ULK4: variants seen among roughly 807,000 people sequenced by gnomAD.
ULK4 encodes the protein inactive serine/threonine-protein kinase ULK4.
In ULK4, 133 loss-of-function variants were observed where a neutral mutation model predicts 160.6. The observed-to-expected ratio is 0.83, with a 90% CI of 0.72 to 0.96. The LOEUF (loss-of-function observed/expected upper bound fraction) is 0.96. Ranked by LOEUF, ULK4 falls within the 40% of genes least tolerant of loss-of-function variation. The pLI is 0.00. For missense variants in ULK4, 1,580 were observed against 1,499.5 expected (o/e 1.05, Z -0.89); for synonymous variants, 534 against 539.8 (o/e 0.99, Z 0.15).
chr3:41,271,442 A>G, intron 35 of ULK4, among the ~76,000 whole-genome samples: 1 of 145,168 alleles, frequency 6.9e-6, no homozygotes, highest in Non-Finnish European at 1.5e-5. Context: ...CCCAGGCTGG[A>G]GTACAGTGGT....
chr3:41,454,443 G>C (rs1219473943), intron 34 of ULK4, among the ~76,000 whole-genome samples: 2 of 150,336 alleles, frequency 1.3e-5, no homozygotes, highest in Non-Finnish European at 3.0e-5. Flanking sequence ...GGGAGGCTGA[G>C]GCAGGAGAAT....
intron 31 of ULK4, among the ~76,000 whole-genome samples, chr3:41,587,012 C>T (rs553081286): frequency 3.9e-5 from 6 of 152,240 alleles, no homozygotes; most frequent in Admixed American, 2.6e-4. Flanking sequence ...GGGTTCTCTA[C>T]GTAGGGTCTC....
intron 35 of ULK4, among the ~76,000 whole-genome samples, chr3:41,334,382 A>T (rs1397253684): frequency 6.6e-6 from 1 of 152,164 alleles, no homozygotes; most frequent in African/African-American, 2.4e-5. Flanking sequence ...CCTCTGCTAC[A>T]AAGAGAGAAT....
intron 17 of ULK4, among the ~76,000 whole-genome samples, chr3:41,883,459 G>A (rs540977671): frequency 3.9e-5 from 6 of 152,124 alleles, no homozygotes; most frequent in South Asian, 2.1e-4. Context: ...ATACGTTAAC[G>A]GAATAGGTAG....
intron 12 of ULK4, 107 bp downstream of exon 12, chr3:41,907,738 C>CT: frequency 1.6e-6 from 1 of 635,902 alleles, no homozygotes; most frequent in Non-Finnish European, 2.4e-6. Flanking sequence ...CAAAGATGAC[C>CT]TTATTGTAAA....
At chr3:41,636,165 G>A (rs1416654285) in intron 30 of ULK4, among the ~76,000 whole-genome samples, 1 of 152,110 alleles carries the variant, frequency 6.6e-6, no homozygotes, top group African/African-American at 2.4e-5. Flanking sequence ...TACTTCACTT[G>A]GTGACAGTGA....
chr3:41,773,762 A>G (rs1180998328), intron 21 of ULK4, among the ~76,000 whole-genome samples: 11 of 152,208 alleles, frequency 7.2e-5, no homozygotes, highest in Non-Finnish European at 1.3e-4. Flanking sequence ...CGGCATTGCC[A>G]AGTCAATCCT....
intron 17 of ULK4, among the ~76,000 whole-genome samples, chr3:41,838,263 TC>T (rs1226332150): frequency 1.3e-5 from 2 of 152,234 alleles, no homozygotes; most frequent in Non-Finnish European, 2.9e-5. Flanking sequence ...TATTAAGTTT[TC>T]TAAATTATCT....
rs529251093 is a variant in ULK4, at chr3:41,394,571, A to T, written c.3678+3508T>A. Among the ~76,000 whole-genome samples the T allele has an allele frequency of 3.9e-5, 6 of 152,256 alleles. No homozygotes were observed. In the South Asian group the frequency reaches 1.2e-3, roughly 32 times the overall value. ...TAATATCTCACGTAATTTATTGAAG[A>T]TCATATTGGAAGTGAAAAATAGAAT... On this transcript the variant is annotated intron_variant, in intron 35 of 36. Transcript: ENST00000301831.
At chr3:41,283,577 T>C (rs985761632) in intron 35 of ULK4, among the ~76,000 whole-genome samples, 7 of 152,054 alleles carry the variant, frequency 4.6e-5, no homozygotes, top group African/African-American at 7.2e-5. Context: ...TTCTCACTCA[T>C]AGGTGGGAAT....
At chr3:41,662,488 T>C (rs553737596) in intron 30 of ULK4, among the ~76,000 whole-genome samples, 48 of 152,186 alleles carry the variant, frequency 3.2e-4, no homozygotes, top group Non-Finnish European at 6.5e-4. Flanking sequence ...CTGGGATGAG[T>C]GTTTTGGATA....
chr3:41,390,046 C>G (rs926010993), intron 35 of ULK4, among the ~76,000 whole-genome samples: 8 of 152,170 alleles, frequency 5.3e-5, no homozygotes, highest in African/African-American at 1.4e-4. Flanking sequence ...GCCTAAATTT[C>G]AGATCCTGTT....
chr3:41,854,291 G>GA (rs2125676467), intron 17 of ULK4: 1 of 152,396 alleles, frequency 6.6e-6, no homozygotes, highest in African/African-American at 2.4e-5. Context: ...GACCCTGGGA[G>GA]ACTGTCTTAA....
At chr3:41,846,656 T>C (rs1178237862) in intron 17 of ULK4, among the ~76,000 whole-genome samples, 4 of 151,790 alleles carry the variant, frequency 2.6e-5, no homozygotes, top group African/African-American at 9.7e-5. Flanking sequence ...AATACAGAAA[T>C]TCCCCAGGCA....
intron 31 of ULK4, among the ~76,000 whole-genome samples, chr3:41,570,577 G>C (rs2087937405): frequency 6.6e-6 from 1 of 152,152 alleles, no homozygotes; most frequent in African/African-American, 2.4e-5. Context: ...CCATCTGTCA[G>C]CAAATATAGG....
intron 32 of ULK4, among the ~76,000 whole-genome samples, chr3:41,561,972 T>C (rs749200187): frequency 1.3e-5 from 2 of 152,208 alleles, no homozygotes; most frequent in African/African-American, 2.4e-5. Flanking sequence ...ATTTTAGATC[T>C]TTTCTGCTTT....
intron 35 of ULK4, chr3:41,260,009 A>C (rs563061949): frequency 7.2e-5 from 11 of 152,310 alleles, no homozygotes; most frequent in African/African-American, 2.6e-4. Flanking sequence ...TGGCCTTCAG[A>C]TCTCATAAAT....
chr3:41,777,905 C>G (rs567459636), intron 21 of ULK4, among the ~76,000 whole-genome samples: 1 of 141,820 alleles, frequency 7.1e-6, no homozygotes, highest in Non-Finnish European at 1.5e-5. Flanking sequence ...TGGAAGCATT[C>G]CCTTTGAAAA....
At chr3:41,889,762 A>G (rs1697851283) in intron 16 of ULK4, among the ~76,000 whole-genome samples, 2 of 152,352 alleles carry the variant, frequency 1.3e-5, no homozygotes, top group South Asian at 2.1e-4. Context: ...CAGCAATCTC[A>G]CTACTGTAAG....
Sources: allele counts gnomAD v4.1 joint callset (sites outside exome capture counted in the v4.1 genomes callset), GRCh38; gene constraint gnomAD v4.1.1; transcripts MANE v1.5; gene names NCBI Gene and HGNC (gene_info 2026-07-23, HGNC 2026-07-21).